Variants in NEBL observed in about 807,000 individuals in gnomAD.
The protein encoded by NEBL is LIM and SH3 protein 2.
NEBL carries 122 observed loss-of-function variants against 140.2 expected under a neutral mutation model. The observed-to-expected ratio is 0.87, with a 90% CI of 0.75 to 1.01. NEBL has a LOEUF of 1.01. Ranked by LOEUF, NEBL falls within the 50% of genes least tolerant of loss-of-function variation. NEBL has a pLI of 0.00. For missense variants in NEBL, 1,365 were observed against 1,231.3 expected, an observed-to-expected ratio of 1.11 and a Z score of -1.62; for synonymous variants, 436 against 398.9, an observed-to-expected ratio of 1.09 and a Z score of -1.11.
chr10:21,155,031 T>C (rs142147440), intron 2 of NEBL, among the ~76,000 whole-genome samples: 2,169 of 152,164 alleles, frequency 0.014, 49 homozygotes, highest in African/African-American at 0.049. Flanking sequence ...AAACCCCATA[T>C]CTACTACAAA....
At chr10:21,257,502 T>TCA (rs1445287666) in intron 1 of NEBL, among the ~76,000 whole-genome samples, 1 of 152,202 alleles carries the variant, frequency 6.6e-6, no homozygotes, top group African/African-American at 2.4e-5. Flanking sequence ...GCACTGGTCC[T>TCA]CACCTCCATT....
intron 3 of NEBL, among the ~76,000 whole-genome samples, chr10:20,970,799 G>C (rs1483452973): frequency 6.6e-6 from 1 of 152,214 alleles, no homozygotes; most frequent in South Asian, 2.1e-4. Context: ...GCTGATGGAA[G>C]GCGGAAGTCT....
chr10:20,938,999 G>A (rs1395135015), intron 4 of NEBL, among the ~76,000 whole-genome samples: 1 of 152,212 alleles, frequency 6.6e-6, no homozygotes, highest in Non-Finnish European at 1.5e-5. Context: ...ATGGAACCAA[G>A]TTGGAAAACA....
At chr10:20,942,542 G>A (rs1834929097) in intron 4 of NEBL, among the ~76,000 whole-genome samples, 1 of 152,212 alleles carries the variant, frequency 6.6e-6, no homozygotes, top group South Asian at 2.1e-4. Context: ...AGGACTTCAT[G>A]TCTAAAACAC....
intron 3 of NEBL, among the ~76,000 whole-genome samples, chr10:20,967,966 A>G (rs1836400590): frequency 6.6e-6 from 1 of 152,242 alleles, no homozygotes; most frequent in Non-Finnish European, 1.5e-5. Context: ...GAGTGGGAGA[A>G]GAGAAAATGA....
intron 2 of NEBL, among the ~76,000 whole-genome samples, chr10:21,137,300 T>C (rs147091051): frequency 2.1e-3 from 321 of 152,304 alleles, no homozygotes; most frequent in Non-Finnish European, 3.7e-3. Context: ...ATTATAAGAG[T>C]CTGTATATAA....
At chr10:20,935,475 C>A (rs942910243) in intron 4 of NEBL, among the ~76,000 whole-genome samples, 3 of 152,156 alleles carry the variant, frequency 2.0e-5, no homozygotes, top group African/African-American at 7.2e-5. Flanking sequence ...CAAGAACATG[C>A]TCCCCTCGGT....
chr10:21,202,202 TGTG>T (rs1841748595), intron 3 of NEBL, among the ~76,000 whole-genome samples: 1 of 152,194 alleles, frequency 6.6e-6, no homozygotes, highest in Non-Finnish European at 1.5e-5. Flanking sequence ...TGTGAATAGA[TGTG>T]AACAGCACTT....
chr10:20,952,559 T>C (rs1222896782), intron 4 of NEBL, among the ~76,000 whole-genome samples: 2 of 152,028 alleles, frequency 1.3e-5, no homozygotes, highest in African/African-American at 4.8e-5. Flanking sequence ...TGTAGAAGTT[T>C]TCCTGGAAAG....
intron 7 of NEBL, among the ~76,000 whole-genome samples, chr10:20,867,302 C>T (rs548044271): frequency 3.2e-4 from 49 of 152,176 alleles, no homozygotes; most frequent in African/African-American, 9.1e-4. Flanking sequence ...CAGAATAGTA[C>T]GTCTTTTCAT....
intron 17 of NEBL, 137 bp downstream of exon 17, chr10:20,828,393 T>G: frequency 1.7e-6 from 1 of 599,192 alleles, no homozygotes. Context: ...TCTTATTATT[T>G]TAAAGAAATA....
intron 2 of NEBL, among the ~76,000 whole-genome samples, chr10:21,043,163 C>A (rs1453969646): frequency 6.6e-6 from 1 of 152,144 alleles, no homozygotes; most frequent in African/African-American, 2.4e-5. Context: ...GGGTCTCAGA[C>A]GATATCCCAG....
rs576689428 is a variant in NEBL at position 21,015,289 on chromosome 10, G to A, written c.249+4828C>T. On this transcript the variant is annotated intron_variant, in intron 3 of 6. Coordinates refer to the NEBL transcript ENST00000417816. ...GCCCCCGCTCCCCTGCTTCAATCAC[G>A]GTAGCTCCATGTTGTTGTCTTCTCA... Among the ~76,000 whole-genome samples, 94 of 152,242 alleles carry A rather than the reference G, an allele frequency of 6.2e-4. 2 individuals carry two copies. The South Asian group carries it at 0.016, about 27-fold the overall frequency.
chr10:21,259,000 G>A (rs1024893548), intron 1 of NEBL, among the ~76,000 whole-genome samples: 6 of 151,946 alleles, frequency 3.9e-5, no homozygotes, highest in South Asian at 2.1e-4. Context: ...TACAGATGAC[G>A]AAAGTGAAGG....
At chr10:21,240,606 T>C (rs1483447506) in intron 3 of NEBL, among the ~76,000 whole-genome samples, 1 of 152,064 alleles carries the variant, frequency 6.6e-6, no homozygotes, top group Non-Finnish European at 1.5e-5. Context: ...GCGACAGAGC[T>C]ACACATTGTC....
chr10:21,103,177 A>G (rs1023613467), intron 2 of NEBL, among the ~76,000 whole-genome samples: 2 of 151,784 alleles, frequency 1.3e-5, no homozygotes, highest in Admixed American at 6.6e-5. Context: ...GTACAGGAGC[A>G]TATGAGAGTT....
At chr10:21,183,645 G>T (rs1344610419) in intron 3 of NEBL, among the ~76,000 whole-genome samples, 1 of 152,144 alleles carries the variant, frequency 6.6e-6, no homozygotes, top group African/African-American at 2.4e-5. Flanking sequence ...GTCTACTTGT[G>T]GTCAACTAAC....
At chr10:21,285,812 T>TAGA (rs1843047375) in intron 1 of NEBL, among the ~76,000 whole-genome samples, 1 of 152,216 alleles carries the variant, frequency 6.6e-6, no homozygotes, top group Non-Finnish European at 1.5e-5. Flanking sequence ...GAGTCACTCC[T>TAGA]GTGACTCATG....
chr10:21,210,945 C>T (rs905202619), intron 3 of NEBL, among the ~76,000 whole-genome samples: 7 of 152,142 alleles, frequency 4.6e-5, no homozygotes, highest in African/African-American at 1.4e-4. Context: ...CTGGGTTGCA[C>T]CTATTGTTTC....
Sources: allele counts gnomAD v4.1 joint callset (sites outside exome capture counted in the v4.1 genomes callset), GRCh38; gene constraint gnomAD v4.1.1; transcripts MANE v1.5; gene names NCBI Gene and HGNC (gene_info 2026-07-23, HGNC 2026-07-21).